PTPRN2: variants seen among roughly 807,000 people sequenced by gnomAD.
PTPRN2 encodes protein tyrosine phosphatase receptor type N2.
A neutral mutation model predicts 118.8 loss-of-function variants in PTPRN2; 74 were observed. That is an observed-to-expected ratio of 0.62 (90% CI 0.52 to 0.76). The LOEUF is 0.76. Ranked by LOEUF, PTPRN2 falls within the 30% of genes least tolerant of loss-of-function variation. The probability of loss-of-function intolerance (pLI) is 0.00; values close to 1 mark genes in which losing one functional copy is unlikely to be tolerated. For missense variants in PTPRN2, 1,481 were observed against 1,394.4 expected, an observed-to-expected ratio of 1.06 and a Z score of -0.99; for synonymous variants, 641 against 608.0, an observed-to-expected ratio of 1.05 and a Z score of -0.80.
chr7:157,571,381 T>G, intron 20 of PTPRN2, 59 bp downstream of exon 20: 1 of 1,305,846 alleles, frequency 7.7e-7, no homozygotes, highest in East Asian at 2.3e-5. Context: ...TGTATTTAAT[T>G]GCATAGATTA....
chr7:158,369,975 C>A (rs1341591217), intron 2 of PTPRN2, among the ~76,000 whole-genome samples: 1 of 152,172 alleles, frequency 6.6e-6, no homozygotes, highest in Non-Finnish European at 1.5e-5. Flanking sequence ...GAGGCCCAGT[C>A]AGAAACACCG....
chr7:158,331,825 GACACCC>G (rs1804518275), intron 2 of PTPRN2, among the ~76,000 whole-genome samples: 4 of 104,794 alleles, frequency 3.8e-5, no homozygotes, highest in Non-Finnish European at 8.8e-5. Context: ...CCTAAGAGGT[GACACCC>G]GCAGACGACA....
At chr7:158,331,791 C>T (rs1333348565) in intron 2 of PTPRN2, among the ~76,000 whole-genome samples, 3 of 150,866 alleles carry the variant, frequency 2.0e-5, no homozygotes, top group Admixed American at 6.6e-5. Flanking sequence ...CACGCACAGA[C>T]ATCACTCACA....
intron 10 of PTPRN2, among the ~76,000 whole-genome samples, chr7:158,107,007 A>G (rs1293506738): frequency 6.6e-6 from 1 of 152,040 alleles, no homozygotes; most frequent in East Asian, 1.9e-4. Flanking sequence ...TAGAGTTAAT[A>G]TTTCTTCCCT....
At chr7:157,642,513 CCTCG>C (rs1489250696) in intron 14 of PTPRN2, among the ~76,000 whole-genome samples, 3 of 152,164 alleles carry the variant, frequency 2.0e-5, no homozygotes, top group Non-Finnish European at 4.4e-5. Context: ...GGTCTCGCCT[CCTCG>C]CCTCGGGTTT....
chr7:158,192,396 G>T lies in PTPRN2; in HGVS notation c.480C>A (p.Ala160=). Residue 160 remains alanine, a synonymous_variant, in exon 5 of 23, where the codon GCC becomes GCA. Coordinates refer to ENST00000389418, the MANE Select transcript of PTPRN2 (RefSeq NM_002847.5). The part of the protein sequence containing the change: ...ALRRHLPFLE[A]LSQAPASDVL... Reference sequence around the variant, plus strand: ...CGTCTGAGGCTGGGGCCTGGGACAGGGCCTCCAGGAAGGGCAGGTGGCGTC... The same window carrying T: ...CGTCTGAGGCTGGGGCCTGGGACAGTGCCTCCAGGAAGGGCAGGTGGCGTC... 6.5e-7 allele frequency: 1 copy of T among 1,533,446 alleles called. No homozygotes were observed. The highest frequency in any genetic ancestry group is 2.4e-5 in the Admixed American group (1 of 40,992). The allele number at this position is 1,533,446 out of a possible 1,614,324, so 95.0% of individuals were successfully genotyped here.
chr7:158,557,480 A>C (rs1586938720), intron 1 of PTPRN2, among the ~76,000 whole-genome samples: 1 of 152,184 alleles, frequency 6.6e-6, no homozygotes, highest in Admixed American at 6.5e-5. Context: ...GCCATGGTCC[A>C]CTCAGTCGCT....
rs886988041 is a variant in PTPRN2 at position 157,629,119 on chromosome 7, T to G, written c.2197-7610A>C. ...AAGTGCAGCTGCCACCTCTGAGTAC[T>G]GGGGTAGTGCATCTGGAGACTTGTA... On this transcript the variant is annotated intron_variant, in intron 14 of 22. Transcript: ENST00000389418. The surrounding 1 kb of genome is among the most constrained non-coding windows in gnomAD (Gnocchi z 4.4). 3.9e-5 allele frequency among the ~76,000 whole-genome samples: 6 copies of G among 152,262 alleles called. No homozygotes were observed. In the East Asian group the frequency reaches 1.2e-3, roughly 29 times the overall value.
At chr7:158,488,722 G>T (rs1821210498) in intron 2 of PTPRN2, among the ~76,000 whole-genome samples, 1 of 152,236 alleles carries the variant, frequency 6.6e-6, no homozygotes, top group South Asian at 2.1e-4. Context: ...TGGGTGCGAG[G>T]GGCCTCTGGG....
In PTPRN2 at chr7:157,657,947, C is replaced by A. The variant is rs1293092793; in HGVS notation, c.2002-1396G>T. On this transcript the variant is annotated intron_variant, in intron 13 of 22. Coordinates refer to ENST00000389418, the MANE Select transcript of PTPRN2 (RefSeq NM_002847.5). The stretch of plus-strand genomic sequence containing the variant: ...TCGCAGACACACCACACACACACAC[C>A]ACACACATATGTAACAGACACACAC... 1.2e-3 allele frequency among the ~76,000 whole-genome samples: 139 copies of A among 116,220 alleles called. 1 individual carries two copies. The highest frequency in any genetic ancestry group is 4.3e-3 in the African/African-American group (135 of 31,134). The allele number at this position is 116,220 out of a possible 152,430, so 76.2% of individuals were successfully genotyped here. A position where few individuals can be genotyped will look rare whatever the true frequency, so the allele number is the denominator to read the frequency against.
intron 12 of PTPRN2, among the ~76,000 whole-genome samples, chr7:157,880,570 C>T (rs185158274): frequency 6.6e-6 from 1 of 152,226 alleles, no homozygotes; most frequent in South Asian, 2.1e-4. Flanking sequence ...TAGGCAGATG[C>T]AGCCACGTCC....
rs989483690 is a variant in PTPRN2, at chr7:158,268,442, C to G, written c.277+48377G>C. On this transcript the variant is annotated intron_variant, in intron 3 of 22. Transcript: ENST00000389418. ...ATATCCCAGCCGCATGCACACAGGG[C>G]AGGTGTGAAATATCCCAGCTGCACA... 5.2e-4 allele frequency among the ~76,000 whole-genome samples: 74 copies of G among 142,422 alleles called. 2 individuals carry two copies. Among genetic ancestry groups the G allele is most frequent in the African/African-American group, 1.8e-3 (69 of 37,648 alleles). 93.4% of individuals were successfully genotyped at this position (142,422 alleles called of 152,430 possible). A position where few individuals can be genotyped will look rare whatever the true frequency, so the allele number is the denominator to read the frequency against.
At chr7:157,756,274 A>G (rs1251189195) in intron 12 of PTPRN2, among the ~76,000 whole-genome samples, 1 of 151,074 alleles carries the variant, frequency 6.6e-6, no homozygotes, top group Non-Finnish European at 1.5e-5. Context: ...ATCTGGGTAA[A>G]CCAGGGCAAA....
intron 11 of PTPRN2, among the ~76,000 whole-genome samples, chr7:158,001,354 C>A (rs1295696739): frequency 6.6e-6 from 1 of 151,590 alleles, no homozygotes; most frequent in African/African-American, 2.4e-5. Context: ...TCCACACTCA[C>A]AGCAACCCAG....
intron 3 of PTPRN2, among the ~76,000 whole-genome samples, chr7:158,212,989 T>G (rs565470188): frequency 6.6e-6 from 1 of 152,336 alleles, no homozygotes; most frequent in East Asian, 1.9e-4. Flanking sequence ...GTGGATCACA[T>G]GATAATTATG....
intron 2 of PTPRN2, among the ~76,000 whole-genome samples, chr7:158,408,281 TAAG>T (rs1271340710): frequency 6.6e-6 from 1 of 152,222 alleles, no homozygotes; most frequent in Non-Finnish European, 1.5e-5. Flanking sequence ...AATAAATTAA[TAAG>T]AACACCACTA....
rs1282316041 is a variant in PTPRN2 at position 157,780,515 on chromosome 7, A to G, written c.1789-97578T>C. 6.6e-6 allele frequency among the ~76,000 whole-genome samples: 1 copy of G among 152,154 alleles called. No individual in the cohort carries two copies. The highest frequency in any genetic ancestry group is 2.4e-5 in the African/African-American group (1 of 41,444). On this transcript the variant is annotated intron_variant, in intron 12 of 22. Transcript: ENST00000389418. This position sits in a 1 kb window ranked among gnomAD's most constrained non-coding sequence, Gnocchi z 4.5. The stretch of plus-strand genomic sequence containing the variant: ...CGCTTGTCCCCACAGGCAGCTCGAC[A>G]TGGTGCAGACCGTGGCAGCCAAGTC...
intron 12 of PTPRN2, among the ~76,000 whole-genome samples, chr7:157,802,065 T>G (rs1376966305): frequency 1.3e-5 from 2 of 152,110 alleles, no homozygotes; most frequent in Non-Finnish European, 2.9e-5. Context: ...CGACTCCGCT[T>G]CCTTCATGGG....
At chr7:158,583,421 C>T (rs1258749647) in intron 1 of PTPRN2, among the ~76,000 whole-genome samples, 23 of 152,108 alleles carry the variant, frequency 1.5e-4, no homozygotes. Flanking sequence ...GGCCCAACAC[C>T]ATCTCGGAGT....
Sources: gnomAD v4.1 joint callset for allele counts (sites outside exome capture counted in the v4.1 genomes callset) on GRCh38, gnomAD v4.1.1 for gene constraint, Gnocchi (gnomAD v3.1) non-coding constraint, MANE v1.5 for transcripts, NCBI Gene and HGNC (gene_info 2026-07-23, HGNC 2026-07-21) for gene names.